The following XRN1 variants were observed in gnomAD, a reference collection of about 807,000 sequenced individuals.
The protein encoded by XRN1 is strand-exchange protein 1 homolog.
In XRN1, 67 loss-of-function variants were observed where a neutral mutation model predicts 222.3. That is an observed-to-expected ratio of 0.30 (90% confidence interval 0.25 to 0.37). The LOEUF is 0.37. Among genes scored for constraint, XRN1 ranks in the 10% least tolerant of loss-of-function variants. The pLI is 1.00. For synonymous variants in XRN1, 643 were observed against 652.4 expected, an observed-to-expected ratio of 0.99 and a Z score of 0.22; for missense variants, 1,707 against 2,000.2, an observed-to-expected ratio of 0.85 and a Z score of 2.80.
At chr3:142,354,835 TTTTAAAA>T (rs2066417238) in intron 32 of XRN1, among the ~76,000 whole-genome samples, 3 of 152,078 alleles carry the variant, frequency 2.0e-5, no homozygotes, top group Admixed American at 2.0e-4. Context: ...CCGGCCAGAT[TTTTAAAA>T]ATGTGGTATA....
In XRN1 at chr3:142,426,778, T is replaced by C. The variant is rs2069270704; in HGVS notation, c.372A>G (p.Thr124=). ...KAIEKGETLP[T]EARFDSNCIT... ...TACAGTTGGAATCAAATCTGGCCTC[T>C]GTAGGAAGAGTTTCTCCCTTCTCTA... Residue 124 remains threonine (T), a synonymous_variant, in exon 3 of 41, where the codon ACA becomes ACG. Transcript: ENST00000392981. 1 of 1,613,926 alleles carries C rather than the reference T, an allele frequency of 6.2e-7. No individual in the cohort carries two copies. Among genetic ancestry groups the C allele is most frequent in the Non-Finnish European group, 8.5e-7 (1 of 1,179,952 alleles).
chr3:142,322,597 T>G (rs2065388256), intron 37 of XRN1, among the ~76,000 whole-genome samples: 1 of 151,914 alleles, frequency 6.6e-6, no homozygotes, highest in South Asian at 2.1e-4. Context: ...GGAGAATCGC[T>G]TGAACCTGGC....
At chr3:142,372,552 C>G (rs2067019348) in intron 25 of XRN1, among the ~76,000 whole-genome samples, 1 of 152,156 alleles carries the variant, frequency 6.6e-6, no homozygotes, top group Non-Finnish European at 1.5e-5. Flanking sequence ...GTCTGGGTTT[C>G]TATACCTCCT....
intron 2 of XRN1, among the ~76,000 whole-genome samples, chr3:142,431,817 CA>C (rs1319347404): frequency 6.8e-4 from 68 of 100,568 alleles, no homozygotes; most frequent in African/African-American, 2.2e-3. Flanking sequence ...AACTCCATCT[CA>C]AAAAAAAAAT....
At chr3:142,374,818 G>A (rs190683467) in intron 25 of XRN1, among the ~76,000 whole-genome samples, 75 of 152,264 alleles carry the variant, frequency 4.9e-4, no homozygotes, top group Non-Finnish European at 9.1e-4. Flanking sequence ...AGAAGTTATC[G>A]AATGTGACTT....
intron 29 of XRN1, among the ~76,000 whole-genome samples, chr3:142,362,278 C>T (rs951743700): frequency 2.0e-5 from 3 of 152,112 alleles, no homozygotes; most frequent in African/African-American, 7.2e-5. Context: ...GCTGGGATTA[C>T]AGGCATGCAC....
chr3:142,370,769 C>G (rs1282551435), intron 26 of XRN1, 149 bp from the exon 27 acceptor site: 1 of 587,336 alleles, frequency 1.7e-6, no homozygotes, highest in Non-Finnish European at 2.7e-6. Context: ...GACATGTTAC[C>G]TCTTAGTAAT....
At position 142,447,507 on chromosome 3, in the gene XRN1, CA is replaced by C. The variant is rs1203212146; in HGVS notation, c.75+362del. Among the ~76,000 whole-genome samples, 2 of 152,170 alleles carry C rather than the reference CA, an allele frequency of 1.3e-5. No individual in the cohort carries two copies. Among genetic ancestry groups the C allele is most frequent in the East Asian group, 1.9e-4 (1 of 5,188 alleles). On this transcript the variant is annotated intron_variant, in intron 1 of 40. Coordinates refer to ENST00000392981, the MANE Select transcript of XRN1 (RefSeq NM_001282857.2). This position sits in a 1 kb window ranked among gnomAD's most constrained non-coding sequence, Gnocchi z 4.2. The stretch of plus-strand genomic sequence containing the variant: ...GGATGGGGGAACCTACGAGGACACC[CA>C]CTCCAGCTTCGCAGCCTCTGTAAGG...
chr3:142,424,979 G>C (rs919756855), intron 5 of XRN1, among the ~76,000 whole-genome samples: 1 of 152,092 alleles, frequency 6.6e-6, no homozygotes, highest in Non-Finnish European at 1.5e-5. Flanking sequence ...CCTTGGCAAA[G>C]TATTCACAGC....
At chr3:142,321,572 C>A (rs2065357457) in intron 37 of XRN1, among the ~76,000 whole-genome samples, 1 of 152,144 alleles carries the variant, frequency 6.6e-6, no homozygotes, top group Non-Finnish European at 1.5e-5. Flanking sequence ...GTACTGAGAT[C>A]ATAACAATAT....
intron 2 of XRN1, among the ~76,000 whole-genome samples, chr3:142,427,788 C>T (rs953284953): frequency 1.3e-5 from 2 of 152,176 alleles, no homozygotes; most frequent in African/African-American, 4.8e-5. Context: ...CTACTGCCAC[C>T]CCTTTGCAGC....
At chr3:142,334,803 A>C (rs61063539) in intron 34 of XRN1, among the ~76,000 whole-genome samples, 7,010 of 134,080 alleles carry the variant, frequency 0.052, 180 homozygotes, top group Non-Finnish European at 0.068. Flanking sequence ...CACACACACA[A>C]AAGACCATAT....
rs1298916165 is a variant in XRN1 at position 142,309,441 on chromosome 3, C to A, written c.*2070G>T. The A allele has an allele frequency of 2.6e-5, 4 of 152,214 alleles. No individual in the cohort carries two copies. The highest frequency in any genetic ancestry group is 9.7e-5 in the African/African-American group (4 of 41,438). The allele number at this position is 152,214 out of a possible 1,614,324, so 9.4% of individuals were successfully genotyped here. A position where few individuals can be genotyped will look rare whatever the true frequency, so the allele number is the denominator to read the frequency against. The stretch of plus-strand genomic sequence containing the variant: ...GCTTCATCATGTTGGCCAGGCTTGT[C>A]TGGAACTCCGGACCTCAAGTGATCC... On this transcript the variant is annotated 3_prime_UTR_variant, in exon 41 of 41. Coordinates refer to ENST00000392981, the MANE Select transcript of XRN1 (RefSeq NM_001282857.2).
chr3:142,377,315 T>C (rs1057302978), intron 23 of XRN1, among the ~76,000 whole-genome samples: 1 of 151,544 alleles, frequency 6.6e-6, no homozygotes, highest in Non-Finnish European at 1.5e-5. Context: ...TACCATATAC[T>C]CTTAACATCA....
At chr3:142,410,715 TG>T (rs2068542447) in intron 15 of XRN1, among the ~76,000 whole-genome samples, 1 of 152,004 alleles carries the variant, frequency 6.6e-6, no homozygotes, top group Non-Finnish European at 1.5e-5. Context: ...AGGACAGTCT[TG>T]ATCTCCTGAC....
At chr3:142,402,934 C>T (rs2108026304) in intron 18 of XRN1, among the ~76,000 whole-genome samples, 1 of 152,296 alleles carries the variant, frequency 6.6e-6, no homozygotes, top group South Asian at 2.1e-4. Flanking sequence ...TCTATTGCTA[C>T]TTCTGAAGTT....
Position 142,404,930 on chromosome 3 carries a change from A to G in XRN1, c.1860T>C (p.Pro620=). 1 of 1,614,032 alleles carries G rather than the reference A, an allele frequency of 6.2e-7. No individual in the cohort carries two copies. The highest frequency in any genetic ancestry group is 8.5e-7 in the Non-Finnish European group (1 of 1,179,932). ...IYPSPWPEKF[P]AIERCCTRYK... The stretch of plus-strand genomic sequence containing the variant: ...ACCTTGTACAACATCGTTCTATGGC[A>G]GGGAACTTTTCTGGCCATGGAGAAG... Residue 620 remains proline, a synonymous_variant, in exon 16 of 41, where the codon CCT becomes CCC. Transcript: ENST00000392981.
intron 3 of XRN1, 44 bp downstream of exon 3, chr3:142,426,700 T>C: frequency 5.8e-6 from 9 of 1,556,472 alleles, no homozygotes; most frequent in Non-Finnish European, 6.1e-6. Flanking sequence ...AAGTTTTCAA[T>C]TTATATTTCA....
At chr3:142,411,090 C>T (rs2068558740) in intron 15 of XRN1, among the ~76,000 whole-genome samples, 1 of 152,156 alleles carries the variant, frequency 6.6e-6, no homozygotes, top group South Asian at 2.1e-4. Flanking sequence ...GAAATATGTT[C>T]ACTTCATCTA....
Sources: gnomAD v4.1 joint callset for allele counts (sites outside exome capture counted in the v4.1 genomes callset) on GRCh38, gnomAD v4.1.1 for gene constraint, Gnocchi (gnomAD v3.1) non-coding constraint, MANE v1.5 for transcripts, NCBI Gene and HGNC (gene_info 2026-07-23, HGNC 2026-07-21) for gene names.